The following SAMMSON variants were observed in gnomAD, a reference collection of about 807,000 sequenced individuals.
SAMMSON encodes long intergenic non-protein coding RNA 1212.
intron 1 of SAMMSON, among the ~76,000 whole-genome samples, chr3:70,005,446 C>T (rs1398477115): frequency 6.6e-6 from 1 of 152,110 alleles, no homozygotes; most frequent in Non-Finnish European, 1.5e-5. Flanking sequence ...GTCCTTCTTT[C>T]TCCATGTGGT....
At chr3:70,381,873 G>C (rs953072382) in intron 9 of SAMMSON, among the ~76,000 whole-genome samples, 1 of 152,034 alleles carries the variant, frequency 6.6e-6, no homozygotes, top group Non-Finnish European at 1.5e-5. Flanking sequence ...TATATTGTTT[G>C]GGTCTTAAAT....
At chr3:70,278,503 T>C (rs1702049762) in intron 6 of SAMMSON, among the ~76,000 whole-genome samples, 1 of 152,218 alleles carries the variant, frequency 6.6e-6, no homozygotes, top group African/African-American at 2.4e-5. Context: ...ATGGTCCCAA[T>C]TTATACATCC....
intron 3 of SAMMSON, among the ~76,000 whole-genome samples, chr3:70,060,285 A>G (rs761752744): frequency 6.6e-6 from 1 of 152,090 alleles, no homozygotes; most frequent in Non-Finnish European, 1.5e-5. Flanking sequence ...GGAAACCAAC[A>G]GTTAAACAAG....
intron 3 of SAMMSON, among the ~76,000 whole-genome samples, chr3:70,024,510 A>G (rs2067029594): frequency 6.6e-6 from 1 of 152,182 alleles, no homozygotes; most frequent in Non-Finnish European, 1.5e-5. Context: ...CTGTTTGCCC[A>G]AAGACATGGA....
chr3:70,020,043 C>T (rs1157553576), intron 3 of SAMMSON, among the ~76,000 whole-genome samples: 1 of 152,100 alleles, frequency 6.6e-6, no homozygotes, highest in Non-Finnish European at 1.5e-5. Flanking sequence ...AGAAACAATG[C>T]AAAGGCCTTA....
rs561790949 is a variant in SAMMSON, at chr3:70,090,403, G to A, written n.507+18838G>A. ...ATTTAGCTTGTGAAATTGAACAACT[G>A]TATCTCAAGACAGAATGTTCATAAA... On this transcript the variant is annotated intron_variant and non_coding_transcript_variant, in intron 4 of 9. Transcript: ENST00000642114. 2.6e-5 allele frequency among the ~76,000 whole-genome samples: 4 copies of A among 152,230 alleles called. No individual in the cohort carries two copies. In the South Asian group the frequency reaches 6.2e-4, roughly 24 times the overall value.
chr3:70,132,925 C>T (rs1342473699), intron 4 of SAMMSON, among the ~76,000 whole-genome samples: 2 of 152,098 alleles, frequency 1.3e-5, no homozygotes, highest in African/African-American at 2.4e-5. Flanking sequence ...CTGACTTAGA[C>T]ATGAGTGTTT....
intron 2 of SAMMSON, among the ~76,000 whole-genome samples, chr3:70,426,477 G>A (rs770394086): frequency 2.6e-5 from 4 of 152,126 alleles, no homozygotes; most frequent in South Asian, 2.1e-4. Context: ...AAGGATTCCC[G>A]GGTTGAGGAT....
At chr3:70,153,503 A>C (rs1220850873) in intron 4 of SAMMSON, among the ~76,000 whole-genome samples, 1 of 151,944 alleles carries the variant, frequency 6.6e-6, no homozygotes, top group East Asian at 1.9e-4. Context: ...GTGAGGTCAT[A>C]AATTTAAAAA....
chr3:70,380,320 GA>G (rs1272704443), intron 9 of SAMMSON, among the ~76,000 whole-genome samples: 1 of 151,850 alleles, frequency 6.6e-6, no homozygotes, highest in Non-Finnish European at 1.5e-5. Flanking sequence ...TTCAGCAGAA[GA>G]AAAAAGAGAT....
At chr3:70,152,739 C>T (rs1489987061) in intron 4 of SAMMSON, among the ~76,000 whole-genome samples, 1 of 151,936 alleles carries the variant, frequency 6.6e-6, no homozygotes, top group Non-Finnish European at 1.5e-5. Flanking sequence ...ACAAAAATAC[C>T]CTTAGGGGAA....
chr3:70,052,614 A>G (rs2067150633), intron 3 of SAMMSON, among the ~76,000 whole-genome samples: 1 of 152,106 alleles, frequency 6.6e-6, no homozygotes, highest in African/African-American at 2.4e-5. Context: ...TCTGGCATTA[A>G]TGTTATGTAA....
chr3:70,250,349 G>C (rs1394494562), intron 6 of SAMMSON, among the ~76,000 whole-genome samples: 1 of 151,662 alleles, frequency 6.6e-6, no homozygotes, highest in African/African-American at 2.4e-5. Context: ...AGGTAATTGA[G>C]AAGTCATGCC....
At chr3:70,102,901 C>T (rs889664824) in intron 4 of SAMMSON, among the ~76,000 whole-genome samples, 4 of 152,150 alleles carry the variant, frequency 2.6e-5, no homozygotes, top group African/African-American at 7.2e-5. Context: ...ATGTACAGTG[C>T]CTCTCTGTTG....
At chr3:70,094,211 C>A (rs1034195827) in intron 4 of SAMMSON, among the ~76,000 whole-genome samples, 9 of 152,154 alleles carry the variant, frequency 5.9e-5, no homozygotes, top group African/African-American at 2.2e-4. Flanking sequence ...TGCTCTCCAT[C>A]CCTATCGGCT....
chr3:70,307,739 G>A (rs1318841799), intron 7 of SAMMSON, among the ~76,000 whole-genome samples: 1 of 152,046 alleles, frequency 6.6e-6, no homozygotes, highest in East Asian at 1.9e-4. Flanking sequence ...TATCACACAA[G>A]CCTTGCCTCT....
chr3:70,024,036 G>T (rs1208104564), intron 3 of SAMMSON, among the ~76,000 whole-genome samples: 1 of 152,012 alleles, frequency 6.6e-6, no homozygotes, highest in African/African-American at 2.4e-5. Flanking sequence ...TACCCAAACT[G>T]GTCTATCCCT....
chr3:70,061,433 C>T (rs949359659), intron 3 of SAMMSON, among the ~76,000 whole-genome samples: 4 of 152,128 alleles, frequency 2.6e-5, no homozygotes, highest in African/African-American at 9.6e-5. Flanking sequence ...AGATTTGTAA[C>T]AACATACACA....
At chr3:70,347,263 A>AT (rs1366925647) in intron 7 of SAMMSON, among the ~76,000 whole-genome samples, 1 of 152,236 alleles carries the variant, frequency 6.6e-6, no homozygotes, top group African/African-American at 2.4e-5. Flanking sequence ...ATTTTATTTA[A>AT]GCAAAGCTGC....
Sources: gnomAD v4.1 joint callset for allele counts (sites outside exome capture counted in the v4.1 genomes callset) on GRCh38, gnomAD v4.1.1 for gene constraint, MANE v1.5 for transcripts, NCBI Gene and HGNC (gene_info 2026-07-23, HGNC 2026-07-21) for gene names.